TRERF1: variants seen among roughly 807,000 people sequenced by gnomAD.
TRERF1 encodes transcriptional-regulating factor 1.
TRERF1 carries 27 observed loss-of-function variants against 122.9 expected under a neutral mutation model. That is an observed-to-expected ratio of 0.22 (90% CI 0.16 to 0.30). TRERF1 has a LOEUF of 0.30. Ranked by LOEUF, TRERF1 falls within the 10% of genes least tolerant of loss-of-function variation. The pLI, the probability that TRERF1 is intolerant of heterozygous loss-of-function variation, is 1.00. For missense variants in TRERF1, 1,248 were observed against 1,560.3 expected, an observed-to-expected ratio of 0.80 and a Z score of 3.37; for synonymous variants, 636 against 641.7, an observed-to-expected ratio of 0.99 and a Z score of 0.13.
At chr6:42,226,836 T>C (rs1407366186) in exon 18 of TRERF1, 2 of 152,268 alleles carry the variant, frequency 1.3e-5, no homozygotes, top group African/African-American at 4.8e-5. Flanking sequence ...CACACCTACG[T>C]GGAGCTGGGA....
At chr6:42,380,466 T>C (rs1014102362) in intron 2 of TRERF1, among the ~76,000 whole-genome samples, 1 of 152,252 alleles carries the variant, frequency 6.6e-6, no homozygotes, top group Non-Finnish European at 1.5e-5. Flanking sequence ...CAGTGTGTGA[T>C]GCTGATAAAA....
intron 2 of TRERF1, among the ~76,000 whole-genome samples, chr6:42,437,198 TGGA>T (rs1785607336): frequency 6.6e-6 from 1 of 152,116 alleles, no homozygotes; most frequent in Non-Finnish European, 1.5e-5. Context: ...CAGCTCTGGT[TGGA>T]GGTCCTCCCA....
chr6:42,414,992 C>T (rs1281026581), intron 2 of TRERF1, among the ~76,000 whole-genome samples: 1 of 152,192 alleles, frequency 6.6e-6, no homozygotes, highest in African/African-American at 2.4e-5. Context: ...CCTTCCAAAG[C>T]AATCGTATCC....
chr6:42,343,504 T>C (rs1767686549), intron 3 of TRERF1, among the ~76,000 whole-genome samples: 1 of 152,212 alleles, frequency 6.6e-6, no homozygotes, highest in Non-Finnish European at 1.5e-5. Context: ...GGTGTCGCGC[T>C]GCTCTATGAG....
At chr6:42,358,250 T>A (rs1309655673) in intron 3 of TRERF1, among the ~76,000 whole-genome samples, 1 of 152,228 alleles carries the variant, frequency 6.6e-6, no homozygotes, top group Non-Finnish European at 1.5e-5. Context: ...ATTGCAAGAT[T>A]TTCTTCCTGC....
chr6:42,391,192 G>A (rs1174357269), intron 2 of TRERF1, among the ~76,000 whole-genome samples: 2 of 152,170 alleles, frequency 1.3e-5, no homozygotes, highest in African/African-American at 2.4e-5. Flanking sequence ...CTTCTCAAAC[G>A]AACATGGAGC....
chr6:42,402,353 T>C (rs1020038106), intron 2 of TRERF1, among the ~76,000 whole-genome samples: 2 of 152,170 alleles, frequency 1.3e-5, no homozygotes. Flanking sequence ...GCAGCCACCA[T>C]AGGTACCGCT....
intron 15 of TRERF1, among the ~76,000 whole-genome samples, chr6:42,242,016 G>A (rs1486671554): frequency 2.0e-5 from 3 of 152,170 alleles, no homozygotes; most frequent in Non-Finnish European, 4.4e-5. Flanking sequence ...GATTGCTTGA[G>A]CCCAAGAAGT....
intron 3 of TRERF1, among the ~76,000 whole-genome samples, chr6:42,327,767 T>C (rs1304515619): frequency 2.0e-5 from 3 of 152,046 alleles, no homozygotes; most frequent in Admixed American, 2.0e-4. Context: ...TAGAAGACTC[T>C]TCTGAGGATG....
chr6:42,434,454 T>C (rs1784942286), intron 2 of TRERF1, among the ~76,000 whole-genome samples: 1 of 150,122 alleles, frequency 6.7e-6, no homozygotes, highest in South Asian at 2.1e-4. Context: ...AACTGACAGA[T>C]GACTTTTTAA....
intron 2 of TRERF1, among the ~76,000 whole-genome samples, chr6:42,426,420 T>C (rs570287715): frequency 2.6e-5 from 4 of 152,238 alleles, no homozygotes; most frequent in African/African-American, 9.6e-5. Context: ...TAAATAGAAA[T>C]GGGTGTTCAC....
At chr6:42,411,255 C>A (rs1781052135) in intron 2 of TRERF1, among the ~76,000 whole-genome samples, 1 of 152,186 alleles carries the variant, frequency 6.6e-6, no homozygotes, top group African/African-American at 2.4e-5. Context: ...TCTATGACCA[C>A]CCTGTCAGGT....
At chr6:42,249,438 A>C (rs1187472462) in intron 13 of TRERF1, among the ~76,000 whole-genome samples, 1 of 152,118 alleles carries the variant, frequency 6.6e-6, no homozygotes, top group Non-Finnish European at 1.5e-5. Context: ...ATGTCCCTTC[A>C]TGTTTCCAAA....
At chr6:42,434,699 CA>C (rs1785017402) in intron 2 of TRERF1, among the ~76,000 whole-genome samples, 1 of 151,636 alleles carries the variant, frequency 6.6e-6, no homozygotes, top group Non-Finnish European at 1.5e-5. Context: ...CACACACACA[CA>C]CACACACACA....
At chr6:42,277,933 G>GAAGAAGA (rs1554141765) in intron 4 of TRERF1, among the ~76,000 whole-genome samples, 9 of 147,746 alleles carry the variant, frequency 6.1e-5, no homozygotes, top group Non-Finnish European at 1.2e-4. Flanking sequence ...AGAAGAAGAA[G>GAAGAAGA]AAGAAGAAGA....
chr6:42,230,981 T>C (rs1473033767), intron 17 of TRERF1, among the ~76,000 whole-genome samples: 1 of 152,252 alleles, frequency 6.6e-6, no homozygotes, highest in Admixed American at 6.5e-5. Flanking sequence ...AAGAAGCTCC[T>C]AAAAGTACCT....
intron 4 of TRERF1, among the ~76,000 whole-genome samples, chr6:42,274,782 A>G (rs1296042088): frequency 1.3e-5 from 2 of 152,230 alleles, no homozygotes; most frequent in Non-Finnish European, 2.9e-5. Flanking sequence ...TGTGCTATTT[A>G]TTTTACATTA....
At chr6:42,240,172 C>T (rs1288398538) in intron 15 of TRERF1, among the ~76,000 whole-genome samples, 3 of 152,226 alleles carry the variant, frequency 2.0e-5, no homozygotes, top group Non-Finnish European at 4.4e-5. Context: ...CCATCTCCCT[C>T]CAGTGAATTC....
At chr6:42,265,965 T>C (rs1005744914) in intron 5 of TRERF1, among the ~76,000 whole-genome samples, 168 bp from the exon 6 acceptor site, 4 of 152,126 alleles carry the variant, frequency 2.6e-5, no homozygotes, top group East Asian at 1.9e-4. Context: ...TCTTCTGCAA[T>C]TGACTTCTGT....
Sources: allele counts gnomAD v4.1 joint callset (sites outside exome capture counted in the v4.1 genomes callset), GRCh38; gene constraint gnomAD v4.1.1; transcripts MANE v1.5; gene names NCBI Gene and HGNC (gene_info 2026-07-23, HGNC 2026-07-21).